The following PCSK2 variants were observed in gnomAD, a reference collection of about 807,000 sequenced individuals.
PCSK2 encodes the protein neuroendocrine convertase 2.
PCSK2 carries 14 observed loss-of-function variants against 69.7 expected under a neutral mutation model. That is an observed-to-expected ratio of 0.20 (90% confidence interval 0.13 to 0.31). PCSK2 has a LOEUF of 0.31. Among genes scored for constraint, PCSK2 ranks in the 10% least tolerant of loss-of-function variants. The probability of loss-of-function intolerance (pLI) is 1.00; values close to 1 mark genes in which losing one functional copy is unlikely to be tolerated. For synonymous variants in PCSK2, 307 were observed against 320.7 expected, an observed-to-expected ratio of 0.96 and a Z score of 0.46; for missense variants, 544 against 842.5, an observed-to-expected ratio of 0.65 and a Z score of 4.39.
At chr20:17,300,143 G>C (rs1307424655) in intron 2 of PCSK2, among the ~76,000 whole-genome samples, 3 of 152,186 alleles carry the variant, frequency 2.0e-5, no homozygotes, top group Admixed American at 2.0e-4. Flanking sequence ...TTCAAGGGAT[G>C]GTCACAACAT....
At chr20:17,431,801 G>C (rs1464456398) in intron 7 of PCSK2, among the ~76,000 whole-genome samples, 1 of 152,204 alleles carries the variant, frequency 6.6e-6, no homozygotes, top group East Asian at 1.9e-4. Context: ...ACAAATTTAA[G>C]GAAAACATTT....
chr20:17,404,268 TA>T (rs1182531529), intron 5 of PCSK2, among the ~76,000 whole-genome samples: 1 of 152,226 alleles, frequency 6.6e-6, no homozygotes, highest in African/African-American at 2.4e-5. Flanking sequence ...CTCAGTACTC[TA>T]AAAATATCTG....
At chr20:17,401,507 CA>C (rs1338575766) in intron 5 of PCSK2, among the ~76,000 whole-genome samples, 6 of 152,146 alleles carry the variant, frequency 3.9e-5, no homozygotes, top group Non-Finnish European at 8.8e-5. Context: ...TACAAACACA[CA>C]GGGGGTTATA....
At chr20:17,230,396 A>G (rs1190379774) in intron 1 of PCSK2, among the ~76,000 whole-genome samples, 2 of 152,266 alleles carry the variant, frequency 1.3e-5, no homozygotes, top group African/African-American at 4.8e-5. Context: ...TAATTCTCAG[A>G]TGAAAACCTT....
chr20:17,407,854 C>A (rs1452730394), intron 5 of PCSK2, among the ~76,000 whole-genome samples: 3 of 152,110 alleles, frequency 2.0e-5, no homozygotes, highest in Admixed American at 6.5e-5. Context: ...GCTTAAGACT[C>A]CAGGCAAATT....
chr20:17,354,659 T>C (rs538300120), intron 2 of PCSK2, among the ~76,000 whole-genome samples: 1 of 152,332 alleles, frequency 6.6e-6, no homozygotes, highest in African/African-American at 2.4e-5. Context: ...GGTATATGAC[T>C]CTGGAACATT....
chr20:17,329,253 C>G (rs1990148772), intron 2 of PCSK2, among the ~76,000 whole-genome samples: 1 of 152,090 alleles, frequency 6.6e-6, no homozygotes, highest in African/African-American at 2.4e-5. Context: ...AGCAGTACAT[C>G]ACAATAAGGC....
intron 5 of PCSK2, among the ~76,000 whole-genome samples, chr20:17,403,091 T>C (rs2031679715): frequency 6.6e-6 from 1 of 152,216 alleles, no homozygotes; most frequent in Non-Finnish European, 1.5e-5. Flanking sequence ...CAGAAGTTGC[T>C]AGAATTTCCA....
intron 2 of PCSK2, among the ~76,000 whole-genome samples, chr20:17,301,935 T>C (rs912993590): frequency 1.3e-5 from 2 of 151,890 alleles, no homozygotes; most frequent in African/African-American, 2.4e-5. Flanking sequence ...ATCTCAAATA[T>C]ATATATATAT....
chr20:17,246,654 G>T (rs974216026), intron 1 of PCSK2, among the ~76,000 whole-genome samples: 1 of 151,430 alleles, frequency 6.6e-6, no homozygotes, highest in Admixed American at 6.6e-5. Flanking sequence ...AAGTTAGTTG[G>T]GTCCAACGCA....
intron 5 of PCSK2, among the ~76,000 whole-genome samples, chr20:17,393,572 CT>C (rs1160875502): frequency 1.3e-5 from 2 of 151,132 alleles, no homozygotes; most frequent in Non-Finnish European, 3.0e-5. Flanking sequence ...AATTTTTTTT[CT>C]TTTTTTTCAA....
chr20:17,337,636 G>A (rs1447254979), intron 2 of PCSK2, among the ~76,000 whole-genome samples: 1 of 152,032 alleles, frequency 6.6e-6, no homozygotes, highest in African/African-American at 2.4e-5. Flanking sequence ...TCATTTAAAA[G>A]CATTGGGAGA....
At chr20:17,251,090 A>T (rs1476321922) in intron 1 of PCSK2, among the ~76,000 whole-genome samples, 2 of 151,968 alleles carry the variant, frequency 1.3e-5, no homozygotes, top group African/African-American at 4.8e-5. Flanking sequence ...AAAAAGTGAG[A>T]CTCCAAAAAA....
chr20:17,415,327 T>C (rs2031975552), intron 6 of PCSK2, among the ~76,000 whole-genome samples: 1 of 152,168 alleles, frequency 6.6e-6, no homozygotes, highest in African/African-American at 2.4e-5. Context: ...GAGAAGCAAC[T>C]TCAGCAAAGT....
At chr20:17,251,003 G>A (rs1986955900) in intron 1 of PCSK2, among the ~76,000 whole-genome samples, 2 of 152,122 alleles carry the variant, frequency 1.3e-5, no homozygotes, top group South Asian at 4.1e-4. Flanking sequence ...GGGCGGCTGA[G>A]GCAGGAGAAT....
At chr20:17,450,645 C>A (rs1215257890) in intron 8 of PCSK2, among the ~76,000 whole-genome samples, 6 of 152,152 alleles carry the variant, frequency 3.9e-5, no homozygotes, top group African/African-American at 1.4e-4. Flanking sequence ...CAGTGTCTTG[C>A]AAAGGCTCAC....
Position 17,465,368 on chromosome 20 carries a change from C to G in PCSK2, c.1245C>G (p.Leu415=). The change falls in exon 11 of 12, where the codon CTC becomes CTG. Residue 415 remains leucine, a synonymous_variant. Transcript: ENST00000262545. ...TWRDMQHLTV[L]TSKRNQLHDE... is the part of the protein sequence containing the mutation. ...GGGACATGCAGCATCTGACTGTGCT[C>G]ACCTCCAAACGGAACCAGCTTCACG... 1 of 1,614,180 alleles carries G rather than the reference C, an allele frequency of 6.2e-7. No individual in the cohort carries two copies. Among genetic ancestry groups the G allele is most frequent in the South Asian group, 1.1e-5 (1 of 91,076 alleles).
intron 10 of PCSK2, among the ~76,000 whole-genome samples, chr20:17,457,781 G>A (rs556002600): frequency 6.6e-6 from 1 of 152,364 alleles, no homozygotes; most frequent in East Asian, 1.9e-4. Flanking sequence ...TAGCTGAGCT[G>A]TGCAGAGCCA....
At chr20:17,455,790 C>T (rs1157358847) in intron 9 of PCSK2, among the ~76,000 whole-genome samples, 7 of 152,230 alleles carry the variant, frequency 4.6e-5, no homozygotes, top group Non-Finnish European at 8.8e-5. Context: ...CTTTGAACAA[C>T]TCATTTATCT....
Sources: gnomAD v4.1 joint callset for allele counts (sites outside exome capture counted in the v4.1 genomes callset) on GRCh38, gnomAD v4.1.1 for gene constraint, MANE v1.5 for transcripts, NCBI Gene and HGNC (gene_info 2026-07-23, HGNC 2026-07-21) for gene names.